MUC5AC: variants seen among roughly 807,000 people sequenced by gnomAD.
MUC5AC encodes the protein mucin-5AC.
A neutral mutation model predicts 169.7 loss-of-function variants in MUC5AC; 158 were observed. The ratio of observed to expected loss-of-function variants is 0.93; its 90% confidence interval spans 0.82 to 1.06. The LOEUF is 1.06. Ranked by LOEUF, MUC5AC falls within the 50% of genes least tolerant of loss-of-function variation. The pLI is 0.00. For synonymous variants in MUC5AC, 1,975 were observed against 1,237.0 expected (o/e 1.60, Z -12.52); for missense variants, 4,359 against 3,089.9 (o/e 1.41, Z -9.74).
At position 1,161,926 on chromosome 11, in the gene MUC5AC, C is replaced by A; in HGVS notation, c.231C>A (p.Asn77Lys). ...CCGCAGCCTCCAACCCGGCGCACAA[C>A]GGGCGGGTGTGCAGCACCTGGGGCA... is the stretch of plus-strand genomic sequence containing the variant. Reference protein sequence around the residue: ...PVVRASNPAHNGRVCSTWGSF... With the variant: ...PVVRASNPAHKGRVCSTWGSF... The change falls in exon 4 of 49, where the codon AAC (asparagine) becomes AAA (lysine). Residue 77 changes from asparagine (N) to lysine (K), a missense_variant. Physicochemically the swap from Asn to Lys is moderately conservative, Grantham distance 94 (BLOSUM62 0). Transcript: ENST00000621226. 2 of 1,611,840 alleles carry A rather than the reference C, an allele frequency of 1.2e-6. No homozygotes were observed. The highest frequency in any genetic ancestry group is 1.7e-6 in the Non-Finnish European group (2 of 1,179,542).
At chr11:1,167,776 TTTC>T in intron 11 of MUC5AC, 98 bp from the exon 12 acceptor site, 2 of 1,017,164 alleles carry the variant, frequency 2.0e-6, no homozygotes, top group Non-Finnish European at 2.9e-6. Context: ...GGAGTGGGGT[TTTC>T]TAGTGAGGGA....
chr11:1,158,429 C>G (rs552733298), intron 1 of MUC5AC, among the ~76,000 whole-genome samples: 2 of 152,324 alleles, frequency 1.3e-5, no homozygotes, highest in African/African-American at 4.8e-5. Context: ...TGGGCCTGGT[C>G]GGGGCATTAG....
chr11:1,163,040 C>G lies in MUC5AC; in HGVS notation c.674C>G (p.Ser225Cys). Residue 225 changes from serine to cysteine, a missense_variant, in exon 6 of 49, where the codon TCC becomes TGC. By Grantham distance (112) the Ser-to-Cys change is moderately radical (BLOSUM62 -1). Transcript: ENST00000621226. ...NGMPVVSELL[S>C]HNTKLTPMEF... ...ATGCCCGTGGTCAGCGAGCTCCTCT[C>G]CCACAGTAAGGCCCCACATCGCCCT... 1 of 1,612,526 alleles carries G rather than the reference C, an allele frequency of 6.2e-7. No homozygotes were observed. The highest frequency in any genetic ancestry group is 2.2e-5 in the East Asian group (1 of 44,872).
At position 1,184,340 on chromosome 11, in the gene MUC5AC, G is replaced by A. The variant is rs1475354413; in HGVS notation, c.6195G>A (p.Pro2065=). The A allele has an allele frequency of 6.1e-5, 29 of 473,328 alleles. No homozygotes were observed. The highest frequency in any genetic ancestry group is 2.4e-4 in the East Asian group (7 of 29,642). The allele number at this position is 473,328 out of a possible 1,614,324, so 29.3% of individuals were successfully genotyped here. The change falls in exon 31 of 49, where the codon CCG becomes CCA. Residue 2065 remains proline (P), a synonymous_variant. Coordinates refer to ENST00000621226, the MANE Select transcript of MUC5AC (RefSeq NM_001304359.2). ...RPPKTVATTR[P]TPHPTGAQTQ... is the part of the protein sequence containing the mutation. ...CAAAGACCGTCGCAACGACACGGCCGACTCCACATCCAACCGGAGCTCAGA... is the reference window on the plus strand; with the variant it reads ...CAAAGACCGTCGCAACGACACGGCCAACTCCACATCCAACCGGAGCTCAGA...
At chr11:1,169,669 C>CACTCACCT (rs1860441243) in intron 15 of MUC5AC, among the ~76,000 whole-genome samples, 1 of 143,170 alleles carries the variant, frequency 7.0e-6, no homozygotes, top group Non-Finnish European at 1.5e-5. Context: ...CCCACTCACC[C>CACTCACCT]ACTCACTCAC....
intron 15 of MUC5AC, among the ~76,000 whole-genome samples, chr11:1,170,824 T>C (rs1249210662): frequency 2.1e-3 from 198 of 94,560 alleles, no homozygotes; most frequent in African/African-American, 2.4e-3. Context: ...CATTCACCCA[T>C]TCACCCACTC....
rs1860810550 is a variant in MUC5AC at position 1,181,349 on chromosome 11, G to C, written c.3899G>C (p.Cys1300Ser). 3 of 398,608 alleles carry C rather than the reference G, an allele frequency of 7.5e-6. No individual in the cohort carries two copies. Among genetic ancestry groups the C allele is most frequent in the Non-Finnish European group, 1.3e-5 (3 of 226,190 alleles). 24.7% of individuals were successfully genotyped at this position (398,608 alleles called of 1,614,324 possible). A position where few individuals can be genotyped will look rare whatever the true frequency, so the allele number is the denominator to read the frequency against. The stretch of plus-strand genomic sequence containing the variant: ...CACACGACGGATGGCACGGGTGGCT[G>C]CATCTCCGCCCGCTGCGGGGCCAAC... ...IYHTTDGTGG[C>S]ISARCGANGT... The change falls in exon 30 of 49, where the codon TGC becomes TCC. Residue 1300 changes from cysteine to serine, a missense_variant. Transcript: ENST00000621226.
Position 1,187,663 on chromosome 11 carries a change from C to T in MUC5AC, c.9518C>T (p.Thr3173Ile). ...STIFAPRTST[T>I]SASTTSTTPG... is the part of the protein sequence containing the mutation. Reference sequence around the variant, plus strand: ...ATCTTTGCTCCTAGAACCAGCACCACTTCTGCCTCTACAACCAGCACAACC... The same window carrying T: ...ATCTTTGCTCCTAGAACCAGCACCATTTCTGCCTCTACAACCAGCACAACC... The change falls in exon 31 of 49, where the codon ACT becomes ATT. Residue 3173 changes from threonine to isoleucine, a missense_variant. Thr to Ile is a moderately conservative substitution (Grantham distance 89). Coordinates refer to ENST00000621226, the MANE Select transcript of MUC5AC (RefSeq NM_001304359.2). 1 of 765,044 alleles carries T rather than the reference C, an allele frequency of 1.3e-6. No individual in the cohort carries two copies. Among genetic ancestry groups the T allele is most frequent in the Non-Finnish European group, 2.4e-6 (1 of 417,794 alleles). 47.4% of individuals were successfully genotyped at this position (765,044 alleles called of 1,614,324 possible).
chr11:1,160,133 A>G (rs893702221), intron 1 of MUC5AC, among the ~76,000 whole-genome samples: 5 of 152,098 alleles, frequency 3.3e-5, no homozygotes, highest in African/African-American at 1.2e-4. Flanking sequence ...CACAGTCTCT[A>G]TGGACCCTGA....
rs755677354 is a variant in MUC5AC, at chr11:1,197,943, T to G, written c.16074T>G (p.Pro5358=). ...TSRCPAPVGC[P]EGARAIPTYQ... ...GCTGCCCCGCGCCCGTGGGCTGTCC[T>G]GAGGGCGCCCGCGCGATCCCGACCT... The change falls in exon 42 of 49, where the codon CCT becomes CCG. Residue 5358 remains proline, a synonymous_variant. Transcript: ENST00000621226. 3 of 737,244 alleles carry G rather than the reference T, an allele frequency of 4.1e-6. No homozygotes were observed. The highest frequency in any genetic ancestry group is 7.4e-6 in the Non-Finnish European group (3 of 405,850). 45.7% of individuals were successfully genotyped at this position (737,244 alleles called of 1,614,324 possible). A position where few individuals can be genotyped will look rare whatever the true frequency, so the allele number is the denominator to read the frequency against.
At chr11:1,195,837 G>A (rs753334541) in intron 36 of MUC5AC, 39 bp from the exon 37 acceptor site, 11 of 752,770 alleles carry the variant, frequency 1.5e-5, no homozygotes, top group Non-Finnish European at 2.7e-5. Context: ...CAGGTGGCCG[G>A]AGAGGCTGCA....
chr11:1,190,038 G>A lies in MUC5AC; in HGVS notation c.11893G>A (p.Val3965Met), dbSNP rs1412748620. The change falls in exon 31 of 49, where the codon GTG (valine) becomes ATG (methionine). Residue 3965 changes from valine (V) to methionine (M), a missense_variant. Physicochemically the swap from Val to Met is conservative, Grantham distance 21. Coordinates refer to ENST00000621226, the MANE Select transcript of MUC5AC (RefSeq NM_001304359.2). The part of the protein sequence containing the change: ...PRCTWTKWFD[V>M]DFPSPGPHGG... ...GTGCACCTGGACCAAGTGGTTTGAC[G>A]TGGACTTTCCATCCCCTGGACCCCA... 29 of 764,976 alleles carry A rather than the reference G, an allele frequency of 3.8e-5. No homozygotes were observed. Among genetic ancestry groups the A allele is most frequent in the Non-Finnish European group, 5.7e-5 (24 of 417,852 alleles). The allele number at this position is 764,976 out of a possible 1,614,324, so 47.4% of individuals were successfully genotyped here. A position where few individuals can be genotyped will look rare whatever the true frequency, so the allele number is the denominator to read the frequency against.
At chr11:1,160,423 A>T (rs1860104140) in intron 1 of MUC5AC, among the ~76,000 whole-genome samples, 189 bp from the exon 2 acceptor site, 1 of 151,504 alleles carries the variant, frequency 6.6e-6, no homozygotes, top group Non-Finnish European at 1.5e-5. Context: ...CTGGGCTCAG[A>T]CTTCAGACTC....
intron 15 of MUC5AC, among the ~76,000 whole-genome samples, chr11:1,171,854 C>T (rs1218404822): frequency 1.3e-5 from 2 of 150,180 alleles, no homozygotes; most frequent in African/African-American, 4.9e-5. Flanking sequence ...CACCCACTCA[C>T]CCATTCACTC....
intron 24 of MUC5AC, among the ~76,000 whole-genome samples, chr11:1,178,024 G>A (rs1404792869): frequency 1.3e-5 from 2 of 152,206 alleles, no homozygotes; most frequent in Non-Finnish European, 2.9e-5. Context: ...TCTTCACGCA[G>A]CCTCCTCCCT....
Position 1,183,650 on chromosome 11 carries a change from G to A in MUC5AC, c.5505G>A (p.Glu1835=). The A allele has an allele frequency of 1.6e-6, 1 of 640,256 alleles. No individual in the cohort carries two copies. Among genetic ancestry groups the A allele is most frequent in the Middle Eastern group, 2.6e-4 (1 of 3,860 alleles). The allele number at this position is 640,256 out of a possible 1,614,324, so 39.7% of individuals were successfully genotyped here. A position where few individuals can be genotyped will look rare whatever the true frequency, so the allele number is the denominator to read the frequency against. The stretch of plus-strand genomic sequence containing the variant: ...CCTTCAAGATGTGCCTCAACTACGA[G>A]GTGCGTGTGCTCTGCTGCGAGACCC... ...QGPFKMCLNY[E]VRVLCCETPR... is the part of the protein sequence containing the mutation. The change falls in exon 31 of 49, where the codon GAG becomes GAA. Residue 1835 remains glutamate, a synonymous_variant. Coordinates refer to ENST00000621226, the MANE Select transcript of MUC5AC (RefSeq NM_001304359.2).
At position 1,191,907 on chromosome 11, in the gene MUC5AC, G is replaced by A. The variant is rs1590149030; in HGVS notation, c.13762G>A (p.Gly4588Ser). 1 of 764,372 alleles carries A rather than the reference G, an allele frequency of 1.3e-6. No individual in the cohort carries two copies. The highest frequency in any genetic ancestry group is 2.4e-6 in the Non-Finnish European group (1 of 417,614). The allele number at this position is 764,372 out of a possible 1,614,324, so 47.3% of individuals were successfully genotyped here. ...TGCTCCTACAACCAGCACGACCTCT[G>A]GTCCTGGAACTACTCCCAGCCCCGT... ...TSAPTTSTTS[G>S]PGTTPSPVPT... The change falls in exon 31 of 49, where the codon GGT becomes AGT. Residue 4588 changes from glycine to serine, a missense_variant. Coordinates refer to ENST00000621226, the MANE Select transcript of MUC5AC (RefSeq NM_001304359.2).
Position 1,185,005 on chromosome 11 carries a change from C to A in MUC5AC, c.6860C>A (p.Ala2287Asp). 1.5e-6 allele frequency: 1 copy of A among 688,334 alleles called. No individual in the cohort carries two copies. Among genetic ancestry groups the A allele is most frequent in the Non-Finnish European group, 2.7e-6 (1 of 377,270 alleles). 42.6% of individuals were successfully genotyped at this position (688,334 alleles called of 1,614,324 possible). A position where few individuals can be genotyped will look rare whatever the true frequency, so the allele number is the denominator to read the frequency against. Residue 2287 changes from alanine (A) to aspartate (D), a missense_variant, in exon 31 of 49, where the codon GCT becomes GAT. By Grantham distance (126) the Ala-to-Asp change is moderately radical. Coordinates refer to ENST00000621226, the MANE Select transcript of MUC5AC (RefSeq NM_001304359.2). The stretch of plus-strand genomic sequence containing the variant: ...GCTCCTACAGCCAGAACAACCTCTG[C>A]TCCTACAACCAGAACAACCTCTGCC... ...TSAPTARTTS[A>D]PTTRTTSASP...
At position 1,189,614 on chromosome 11, in the gene MUC5AC, A is replaced by C; in HGVS notation, c.11469A>C (p.Thr3823=). The part of the protein sequence containing the change: ...TSTTSTPQTS[T]TSSPTTSTTS... Reference sequence around the variant, plus strand: ...CAACCTCCACTCCGCAGACCAGCACAACCTCTTCCCCTACAACTAGCACAA... The same window carrying C: ...CAACCTCCACTCCGCAGACCAGCACCACCTCTTCCCCTACAACTAGCACAA... Residue 3823 remains threonine, a synonymous_variant, in exon 31 of 49, where the codon ACA becomes ACC. Coordinates refer to ENST00000621226, the MANE Select transcript of MUC5AC (RefSeq NM_001304359.2). 1.6e-6 allele frequency: 1 copy of C among 621,602 alleles called. No homozygotes were observed. Among genetic ancestry groups the C allele is most frequent in the Non-Finnish European group, 2.9e-6 (1 of 349,570 alleles). The allele number at this position is 621,602 out of a possible 1,614,324, so 38.5% of individuals were successfully genotyped here.
Sources: gnomAD v4.1 joint callset for allele counts (sites outside exome capture counted in the v4.1 genomes callset) on GRCh38, gnomAD v4.1.1 for gene constraint, MANE v1.5 for transcripts, NCBI Gene and HGNC (gene_info 2026-07-23, HGNC 2026-07-21) for gene names.